ELMOD1: variants seen among roughly 807,000 people sequenced by gnomAD.
ELMOD1 encodes the protein ELMO domain-containing protein 1.
Under a neutral mutation model 46.7 loss-of-function variants are expected in ELMOD1, and 21 were observed. The observed-to-expected ratio is 0.45, with a 90% CI of 0.32 to 0.65. ELMOD1 has a LOEUF of 0.65. Ranked by LOEUF, ELMOD1 falls within the 30% of genes least tolerant of loss-of-function variation. ELMOD1 has a pLI of 0.04. For missense variants in ELMOD1, 348 were observed against 407.8 expected (o/e 0.85, Z 1.26); for synonymous variants, 122 against 138.2 (o/e 0.88, Z 0.82).
At chr11:107,647,993 C>A (rs1226858306) in intron 7 of ELMOD1, among the ~76,000 whole-genome samples, 2 of 152,126 alleles carry the variant, frequency 1.3e-5, no homozygotes, top group Non-Finnish European at 2.9e-5. Context: ...TCTACACCAT[C>A]ATTTCACCCT....
intron 5 of ELMOD1, 105 bp from the exon 6 acceptor site, chr11:107,635,531 T>G (rs1276865103): frequency 4.5e-6 from 5 of 1,122,340 alleles, no homozygotes; most frequent in Non-Finnish European, 6.2e-6. Context: ...TTCCTGAATA[T>G]TATATTAATA....
chr11:107,638,672 G>T (rs903654347), intron 6 of ELMOD1, among the ~76,000 whole-genome samples: 1 of 152,096 alleles, frequency 6.6e-6, no homozygotes, highest in African/African-American at 2.4e-5. Flanking sequence ...GCAAACCAAG[G>T]CCTGCAAACC....
chr11:107,645,084 G>A (rs1293814325), intron 6 of ELMOD1, among the ~76,000 whole-genome samples: 1 of 133,026 alleles, frequency 7.5e-6, no homozygotes, highest in East Asian at 2.2e-4. Flanking sequence ...CACCATGCCT[G>A]GCTAATTTTT....
At chr11:107,603,335 T>C (rs1018983305) in intron 1 of ELMOD1, among the ~76,000 whole-genome samples, 6 of 152,236 alleles carry the variant, frequency 3.9e-5, no homozygotes, top group Non-Finnish European at 7.3e-5. Flanking sequence ...GCTCAGGAGT[T>C]CGAGACTAGC....
intron 1 of ELMOD1, among the ~76,000 whole-genome samples, chr11:107,611,358 T>A (rs955618327): frequency 1.3e-5 from 2 of 152,090 alleles, no homozygotes; most frequent in African/African-American, 4.8e-5. Flanking sequence ...AACCAGCATC[T>A]ATAAGGAACT....
rs77883356 is a variant in ELMOD1, at chr11:107,625,582, G to A, written c.18-4835G>A. On this transcript the variant is annotated intron_variant, in intron 2 of 11. Coordinates refer to ENST00000265840, the MANE Select transcript of ELMOD1 (RefSeq NM_018712.4). ...GGCAAGGGGCTACATGGTTTTAGGC[G>A]CATTTCCTGTTTTGAAAGCCCCATC... is the stretch of plus-strand genomic sequence containing the variant. 1,897 of 984,808 alleles carry A rather than the reference G, an allele frequency of 1.9e-3. 31 individuals carry two copies. In the African/African-American group the frequency reaches 0.03, roughly 16 times the overall value. The allele number at this position is 984,808 out of a possible 1,614,324, so 61.0% of individuals were successfully genotyped here.
At chr11:107,638,170 G>A (rs550643533) in intron 6 of ELMOD1, among the ~76,000 whole-genome samples, 6 of 152,106 alleles carry the variant, frequency 3.9e-5, no homozygotes, top group African/African-American at 7.2e-5. Context: ...AAGCCGGCTC[G>A]TTTTTTAAAT....
At chr11:107,657,927 G>A (rs1381681575) in intron 11 of ELMOD1, among the ~76,000 whole-genome samples, 2 of 152,202 alleles carry the variant, frequency 1.3e-5, no homozygotes, top group Non-Finnish European at 2.9e-5. Context: ...TGAACACATT[G>A]AGAAGACATT....
At chr11:107,628,531 C>T (rs965865030) in intron 2 of ELMOD1, among the ~76,000 whole-genome samples, 23 of 151,328 alleles carry the variant, frequency 1.5e-4, no homozygotes, top group African/African-American at 5.1e-4. Context: ...TTTAGGGCTA[C>T]TGGGTTTTGT....
At chr11:107,616,814 A>G (rs1161705907) in intron 1 of ELMOD1, among the ~76,000 whole-genome samples, 1 of 152,168 alleles carries the variant, frequency 6.6e-6, no homozygotes, top group Non-Finnish European at 1.5e-5. Flanking sequence ...TTGTGCTGCA[A>G]TATGCTTCAG....
chr11:107,591,957 G>T, intron 1 of ELMOD1: 1 of 521,118 alleles, frequency 1.9e-6, no homozygotes. Flanking sequence ...TCCAACTGCT[G>T]GGAAACTCCG....
intron 2 of ELMOD1, among the ~76,000 whole-genome samples, chr11:107,624,379 G>A (rs1052176475): frequency 2.2e-4 from 33 of 152,284 alleles, no homozygotes; most frequent in African/African-American, 3.1e-4. Context: ...AGCCAGGCAC[G>A]GCGGCTCATG....
At chr11:107,662,576 C>T (rs1021850466) in intron 11 of ELMOD1, among the ~76,000 whole-genome samples, 1 of 149,930 alleles carries the variant, frequency 6.7e-6, no homozygotes, top group Non-Finnish European at 1.5e-5. Flanking sequence ...TGCCATTGCA[C>T]TCCAGCCTGG....
chr11:107,598,881 T>C (rs1865539504), intron 1 of ELMOD1, among the ~76,000 whole-genome samples: 1 of 152,232 alleles, frequency 6.6e-6, no homozygotes, highest in African/African-American at 2.4e-5. Flanking sequence ...ACAAATTCCA[T>C]TTCTGCTTAA....
rs569659494 is a variant in ELMOD1, at chr11:107,631,778, C to G, written c.290+101C>G. On this transcript the variant is annotated intron_variant, in intron 5 of 11. Transcript: ENST00000265840. ...TCTCTTTTTTTTTCTCCCTCTCTCC[C>G]TAAAATAATCATCTGCCATGTTTTG... 6.0e-4 allele frequency: 337 copies of G among 565,486 alleles called. 1 individual carries two copies. The South Asian group carries it at 6.0e-3, about 10-fold the overall frequency. 35.0% of individuals were successfully genotyped at this position (565,486 alleles called of 1,614,324 possible). A position where few individuals can be genotyped will look rare whatever the true frequency, so the allele number is the denominator to read the frequency against.
At chr11:107,642,191 C>T (rs1479246332) in intron 6 of ELMOD1, among the ~76,000 whole-genome samples, 1 of 152,056 alleles carries the variant, frequency 6.6e-6, no homozygotes, top group African/African-American at 2.4e-5. Flanking sequence ...ATCCACCTGC[C>T]TTGGCCTCCC....
intron 1 of ELMOD1, chr11:107,591,689 G>T: frequency 2.7e-6 from 1 of 364,468 alleles, no homozygotes. Flanking sequence ...TTTGCATCTC[G>T]GCCCGGGCGT....
intron 11 of ELMOD1, among the ~76,000 whole-genome samples, chr11:107,664,767 T>A (rs1180650774): frequency 4.6e-5 from 7 of 152,094 alleles, no homozygotes; most frequent in Non-Finnish European, 8.8e-5. Flanking sequence ...ATGGCAGAAC[T>A]GATTTGTCTT....
chr11:107,650,934 T>C, intron 9 of ELMOD1, 26 bp downstream of exon 9: 1 of 1,085,750 alleles, frequency 9.2e-7, no homozygotes. Flanking sequence ...TTTTGTGTTT[T>C]ATTGCTTTTA....
Sources: allele counts gnomAD v4.1 joint callset (sites outside exome capture counted in the v4.1 genomes callset), GRCh38; gene constraint gnomAD v4.1.1; transcripts MANE v1.5; gene names NCBI Gene and HGNC (gene_info 2026-07-23, HGNC 2026-07-21).